The following TMTC1 variants were observed in gnomAD, a reference collection of about 807,000 sequenced individuals.
TMTC1 encodes the protein transmembrane O-mannosyltransferase targeting cadherins 1.
TMTC1 carries 73 observed loss-of-function variants against 104.8 expected under a neutral mutation model. The ratio of observed to expected loss-of-function variants is 0.70; its 90% CI spans 0.58 to 0.85. The LOEUF (loss-of-function observed/expected upper bound fraction) is 0.85. Ranked by LOEUF, TMTC1 falls within the 40% of genes least tolerant of loss-of-function variation. The pLI, the probability that TMTC1 is intolerant of heterozygous loss-of-function variation, is 0.00. For missense variants in TMTC1, 1,035 were observed against 1,096.1 expected (o/e 0.94, Z 0.79); for synonymous variants, 434 against 428.7 (o/e 1.01, Z -0.15).
At chr12:29,738,222 T>C (rs1011875559) in intron 5 of TMTC1, among the ~76,000 whole-genome samples, 2 of 152,206 alleles carry the variant, frequency 1.3e-5, no homozygotes, top group Non-Finnish European at 2.9e-5. Context: ...CTTAAACCCA[T>C]TTTATGTGAC....
At chr12:29,752,789 A>C (rs1330767092) in intron 4 of TMTC1, among the ~76,000 whole-genome samples, 1 of 152,210 alleles carries the variant, frequency 6.6e-6, no homozygotes, top group Non-Finnish European at 1.5e-5. Flanking sequence ...CACTTTTGCT[A>C]TTCACTAGCA....
intron 5 of TMTC1, among the ~76,000 whole-genome samples, chr12:29,643,766 C>CATATATTT (rs538497487): frequency 0.17 from 1,186 of 6,990 alleles, 67 homozygotes; most frequent in Middle Eastern, 0.3. Flanking sequence ...TTATAATACA[C>CATATATTT]ATATATTTAT....
chr12:29,595,842 G>T (rs541482672), intron 7 of TMTC1, among the ~76,000 whole-genome samples: 1 of 152,312 alleles, frequency 6.6e-6, no homozygotes, highest in Non-Finnish European at 1.5e-5. Flanking sequence ...GACTGAAGAC[G>T]TGGAAAGGAA....
rs554303065 is a variant in TMTC1 at position 29,743,717 on chromosome 12, CCT to C, written c.938+7947_938+7948del. 2.4e-4 allele frequency among the ~76,000 whole-genome samples: 36 copies of C among 151,946 alleles called. No individual in the cohort carries two copies. The South Asian group carries it at 6.0e-3, about 25-fold the overall frequency. On this transcript the variant is annotated intron_variant, in intron 5 of 17. Coordinates refer to ENST00000539277, the MANE Select transcript of TMTC1 (RefSeq NM_001193451.2). ...TCATGAAAAAATTATTTATATATCC[CCT>C]GAGTGTTTACAATGTTAAGATGAAC...
intron 5 of TMTC1, among the ~76,000 whole-genome samples, chr12:29,691,679 T>C (rs1350128988): frequency 1.6e-5 from 2 of 126,000 alleles, no homozygotes; most frequent in African/African-American, 3.1e-5. Context: ...TAAGACATGA[T>C]GAGGAAGTCA....
intron 1 of TMTC1, chr12:29,782,768 T>C (rs1222601588): frequency 6.6e-6 from 1 of 152,234 alleles, no homozygotes; most frequent in Non-Finnish European, 1.5e-5. Context: ...CTATTTCGGC[T>C]GGGGCCCCAG....
At chr12:29,760,612 T>A (rs1943321470) in intron 2 of TMTC1, among the ~76,000 whole-genome samples, 1 of 152,136 alleles carries the variant, frequency 6.6e-6, no homozygotes, top group Admixed American at 6.5e-5. Context: ...GGAACCATCA[T>A]AACCATCATT....
At chr12:29,645,115 T>C (rs1482251131) in intron 5 of TMTC1, among the ~76,000 whole-genome samples, 5 of 152,220 alleles carry the variant, frequency 3.3e-5, no homozygotes, top group African/African-American at 1.2e-4. Flanking sequence ...AAATGGATTC[T>C]ATGGGTTTTA....
intron 9 of TMTC1, among the ~76,000 whole-genome samples, chr12:29,571,607 C>A (rs1037739321): frequency 6.8e-6 from 1 of 147,652 alleles, no homozygotes; most frequent in East Asian, 2.0e-4. Flanking sequence ...CACACACACA[C>A]AATTAACGTA....
intron 5 of TMTC1, among the ~76,000 whole-genome samples, chr12:29,750,907 T>C (rs2136969962): frequency 6.6e-6 from 1 of 152,328 alleles, no homozygotes; most frequent in East Asian, 1.9e-4. Flanking sequence ...AAATATTTCC[T>C]TTGCTCTGTT....
chr12:29,607,478 G>A (rs1946733906), intron 6 of TMTC1, among the ~76,000 whole-genome samples: 1 of 152,150 alleles, frequency 6.6e-6, no homozygotes, highest in Non-Finnish European at 1.5e-5. Flanking sequence ...ACGTTTACAA[G>A]GAAGACAAAT....
chr12:29,630,950 AT>A (rs1197435945), intron 6 of TMTC1, among the ~76,000 whole-genome samples: 1 of 152,226 alleles, frequency 6.6e-6, no homozygotes. Context: ...GATAGTCATT[AT>A]AGTGAGAGTA....
chr12:29,553,485 A>G (rs1445982040), intron 10 of TMTC1, among the ~76,000 whole-genome samples: 1 of 152,224 alleles, frequency 6.6e-6, no homozygotes, highest in African/African-American at 2.4e-5. Flanking sequence ...GAGGTAAACA[A>G]GGATAACTTG....
intron 6 of TMTC1, among the ~76,000 whole-genome samples, chr12:29,630,040 C>T (rs1428333357): frequency 6.6e-6 from 1 of 152,132 alleles, no homozygotes; most frequent in African/African-American, 2.4e-5. Context: ...TGGTGAGTTT[C>T]ACTACCACAA....
At chr12:29,772,848 G>C (rs572788910) in intron 1 of TMTC1, among the ~76,000 whole-genome samples, 2 of 151,890 alleles carry the variant, frequency 1.3e-5, no homozygotes, top group African/African-American at 4.8e-5. Context: ...TTCCTCAAAC[G>C]TTTTTCATAC....
intron 7 of TMTC1, among the ~76,000 whole-genome samples, chr12:29,587,280 T>C (rs1376070289): frequency 2.0e-5 from 3 of 152,106 alleles, no homozygotes; most frequent in Non-Finnish European, 4.4e-5. Context: ...TCGGTGGTGA[T>C]ATCCCCTTTA....
chr12:29,773,733 T>G (rs1943646451), intron 1 of TMTC1, among the ~76,000 whole-genome samples: 1 of 152,100 alleles, frequency 6.6e-6, no homozygotes, highest in Non-Finnish European at 1.5e-5. Flanking sequence ...TCGCTGCAGG[T>G]CAAAACATTC....
intron 8 of TMTC1, among the ~76,000 whole-genome samples, chr12:29,583,177 GC>G (rs1946029268): frequency 2.0e-5 from 3 of 152,092 alleles, no homozygotes; most frequent in Middle Eastern, 6.8e-3. Context: ...TTTCCCAGGA[GC>G]CTTATTTTCA....
At chr12:29,701,384 G>C (rs1034841114) in intron 5 of TMTC1, among the ~76,000 whole-genome samples, 5 of 152,148 alleles carry the variant, frequency 3.3e-5, no homozygotes, top group Non-Finnish European at 4.4e-5. Flanking sequence ...GGGAAACTAA[G>C]GCAGGTCCAT....
Sources: allele counts gnomAD v4.1 joint callset (sites outside exome capture counted in the v4.1 genomes callset), GRCh38; gene constraint gnomAD v4.1.1; transcripts MANE v1.5; gene names NCBI Gene and HGNC (gene_info 2026-07-23, HGNC 2026-07-21).